Variants in TNS1 observed in about 807,000 individuals in gnomAD.
TNS1 encodes the protein tensin 1.
A neutral mutation model predicts 168.6 loss-of-function variants in TNS1; 62 were observed. The observed-to-expected ratio is 0.37, with a 90% CI of 0.30 to 0.45. The LOEUF is 0.45. TNS1 is among the 20% of genes least tolerant of loss of function. TNS1 has a pLI of 1.00. For synonymous variants in TNS1, 934 were observed against 933.2 expected (o/e 1.00, Z -0.02); for missense variants, 2,240 against 2,339.4 (o/e 0.96, Z 0.88).
At chr2:217,891,067 C>A in intron 11 of TNS1, 22 bp from the exon 12 acceptor site, 2 of 1,613,422 alleles carry the variant, frequency 1.2e-6, no homozygotes, top group Non-Finnish European at 1.7e-6. Flanking sequence ...GACAGGTGGT[C>A]AAAAGAGGCA....
chr2:217,890,840 C>G (rs571979974), intron 12 of TNS1, 122 bp downstream of exon 12: 11 of 1,059,250 alleles, frequency 1.0e-5, no homozygotes, highest in African/African-American at 3.1e-5. Context: ...CATCTGAAAA[C>G]TTGCGCCTGG....
At chr2:217,814,409 G>A (rs1941527057) in intron 25 of TNS1, among the ~76,000 whole-genome samples, 1 of 152,182 alleles carries the variant, frequency 6.6e-6, no homozygotes, top group East Asian at 1.9e-4. Context: ...TGCCACTGCA[G>A]CAGGACAGCA....
Position 217,885,091 on chromosome 2 carries a change from G to T in TNS1, c.1190C>A (p.Ala397Asp). 6.2e-7 allele frequency: 1 copy of T among 1,614,244 alleles called. No individual in the cohort carries two copies. Among genetic ancestry groups the T allele is most frequent in the Non-Finnish European group, 8.5e-7 (1 of 1,180,046 alleles). Residue 397 changes from alanine to aspartate, a missense_variant, in exon 16 of 33, where the codon GCC becomes GAC. Ala to Asp is a moderately radical substitution (Grantham distance 126). Around this residue, in one of 2 missense-constraint regions of TNS1, gnomAD observed 2,131 missense variants for 2,171.2 expected, o/e 0.98. Transcript: ENST00000682258. ...AAAGACAACCCCCAGGTCATGGATG[G>T]CACAGGTGTGGAACTGCACACGGAA... ...VIFRVQFHTC[A>D]IHDLGVVFGK...
At chr2:217,850,440 A>C in intron 18 of TNS1, 1 of 985,286 alleles carries the variant, frequency 1.0e-6, no homozygotes, top group Non-Finnish European at 1.2e-6. Context: ...CCCCCTGAGC[A>C]ACACTTTCTC....
At chr2:217,997,179 C>A (rs943370741) in intron 1 of TNS1, among the ~76,000 whole-genome samples, 1 of 152,136 alleles carries the variant, frequency 6.6e-6, no homozygotes. Context: ...CCCGCTGTCT[C>A]CTCATTTTAG....
chr2:218,023,486 A>G (rs962656197), intron 1 of TNS1, among the ~76,000 whole-genome samples: 1 of 152,194 alleles, frequency 6.6e-6, no homozygotes, highest in Non-Finnish European at 1.5e-5. Flanking sequence ...CCCCAAGCCC[A>G]GGGCTCTCCT....
intron 3 of TNS1, 37 bp downstream of exon 3, chr2:217,978,728 C>G (rs1163567702): frequency 1.4e-6 from 1 of 701,580 alleles, no homozygotes; most frequent in African/African-American, 1.7e-5. Context: ...AGGCCTGTCC[C>G]AAGTCCTCCC....
At chr2:217,826,532 G>T (rs116772618) in intron 22 of TNS1, among the ~76,000 whole-genome samples, 3 of 152,258 alleles carry the variant, frequency 2.0e-5, no homozygotes, top group African/African-American at 7.2e-5. Flanking sequence ...AGAAGAGGCA[G>T]GAAAGAAAGT....
At chr2:217,912,942 C>G (rs1954595901) in intron 4 of TNS1, among the ~76,000 whole-genome samples, 1 of 152,238 alleles carries the variant, frequency 6.6e-6, no homozygotes, top group Non-Finnish European at 1.5e-5. Context: ...GAACACCTTT[C>G]TGCAAATGAG....
chr2:217,882,258 G>A, intron 17 of TNS1, 88 bp downstream of exon 17: 1 of 928,198 alleles, frequency 1.1e-6, no homozygotes, highest in Non-Finnish European at 1.7e-6. Flanking sequence ...CTTGATCACT[G>A]TGGAACAGAC....
chr2:217,906,429 A>G (rs1444718481), intron 5 of TNS1, 44 bp from the exon 6 acceptor site: 6 of 702,746 alleles, frequency 8.5e-6, no homozygotes, highest in Non-Finnish European at 1.3e-5. Context: ...GGCAAGAAAA[A>G]TAATCAAAAT....
rs114429129 is a variant in TNS1, at chr2:218,030,197, G to A, written c.156+3623C>T. Among the ~76,000 whole-genome samples, 982 of 152,266 alleles carry A rather than the reference G, an allele frequency of 6.4e-3. 9 individuals carry two copies. Among genetic ancestry groups the A allele is most frequent in the African/African-American group, 0.022 (927 of 41,544 alleles). Reference sequence around the variant, plus strand: ...CTCCCGGGGAGCCAGGAGCAGCCAGGAAAGCCTTTGTCCACTTCTATAACA... The same window carrying A: ...CTCCCGGGGAGCCAGGAGCAGCCAGAAAAGCCTTTGTCCACTTCTATAACA... On this transcript the variant is annotated intron_variant, in intron 1 of 1. Coordinates refer to the TNS1 transcript ENST00000649572.
At chr2:217,856,387 C>T (rs1299728530) in intron 18 of TNS1, among the ~76,000 whole-genome samples, 1 of 152,198 alleles carries the variant, frequency 6.6e-6, no homozygotes, top group African/African-American at 2.4e-5. Flanking sequence ...CTTCCTGGGG[C>T]TCAGTCTGTG....
chr2:217,888,634 A>G (rs1314985108), intron 12 of TNS1, among the ~76,000 whole-genome samples: 1 of 152,186 alleles, frequency 6.6e-6, no homozygotes, highest in African/African-American at 2.4e-5. Flanking sequence ...TTCTCGTGGT[A>G]GTGAATAATT....
intron 2 of TNS1, among the ~76,000 whole-genome samples, chr2:217,988,329 C>T (rs1378057566): frequency 6.6e-6 from 1 of 152,214 alleles, no homozygotes; most frequent in African/African-American, 2.4e-5. Context: ...AAATCCTCTC[C>T]TCAACCCAAG....
chr2:217,958,326 G>A (rs2125995010), intron 3 of TNS1, among the ~76,000 whole-genome samples: 1 of 152,284 alleles, frequency 6.6e-6, no homozygotes, highest in East Asian at 1.9e-4. Flanking sequence ...CACCCAAGGT[G>A]CCCCTTCATG....
chr2:217,833,422 A>AC (rs1260132263), intron 21 of TNS1, among the ~76,000 whole-genome samples: 3 of 152,036 alleles, frequency 2.0e-5, no homozygotes, highest in Non-Finnish European at 4.4e-5. Context: ...TCTCTCCCTA[A>AC]CCCTGTGTGT....
intron 1 of TNS1, among the ~76,000 whole-genome samples, chr2:218,018,188 G>C (rs1427674): frequency 0.45 from 68,690 of 152,066 alleles, 15,794 homozygotes; most frequent in Middle Eastern, 0.59. Flanking sequence ...CCAGGAAACA[G>C]GCTAGGACTA....
At chr2:217,994,571 G>A (rs1036688455) in intron 1 of TNS1, among the ~76,000 whole-genome samples, 1 of 152,164 alleles carries the variant, frequency 6.6e-6, no homozygotes, top group African/African-American at 2.4e-5. Context: ...TAGGGATATA[G>A]GCCTTCTTCC....
Sources: gnomAD v4.1 joint callset for allele counts (sites outside exome capture counted in the v4.1 genomes callset) on GRCh38, gnomAD v4.1.1 for gene constraint, gnomAD v4.1.1 regional missense constraint, MANE v1.5 for transcripts, NCBI Gene and HGNC (gene_info 2026-07-23, HGNC 2026-07-21) for gene names.